SEMA5A: variants seen among roughly 807,000 people sequenced by gnomAD.
The protein encoded by SEMA5A is semaphorin 5A, also known as semaphorin-5A.
In SEMA5A, 55 loss-of-function variants were observed where a neutral mutation model predicts 135.5. The observed-to-expected ratio is 0.41, with a 90% CI of 0.33 to 0.51. SEMA5A has a LOEUF of 0.51. Ranked by LOEUF, SEMA5A falls within the 20% of genes least tolerant of loss-of-function variation. SEMA5A has a pLI of 0.37. For missense variants in SEMA5A, 1,290 were observed against 1,419.9 expected (o/e 0.91, Z 1.47); for synonymous variants, 580 against 546.5 (o/e 1.06, Z -0.85).
chr5:9,467,382 G>T (rs141133292), intron 1 of SEMA5A, among the ~76,000 whole-genome samples: 36 of 152,222 alleles, frequency 2.4e-4, no homozygotes, highest in African/African-American at 8.4e-4. Flanking sequence ...AAAGTGCTGG[G>T]ATTACAAACG....
intron 3 of SEMA5A, among the ~76,000 whole-genome samples, chr5:9,351,082 C>T (rs1226830657): frequency 6.6e-6 from 1 of 152,192 alleles, no homozygotes; most frequent in East Asian, 1.9e-4. Context: ...AAATCACTGT[C>T]TCACTTTATC....
chr5:9,237,805 G>A (rs1747990056), intron 6 of SEMA5A, 23 bp downstream of exon 6: 1 of 1,611,046 alleles, frequency 6.2e-7, no homozygotes, highest in African/African-American at 1.3e-5. Context: ...GGTGATGGCT[G>A]CTCATAATTG....
chr5:9,544,255 T>C (rs897941720), intron 1 of SEMA5A, among the ~76,000 whole-genome samples: 3 of 152,320 alleles, frequency 2.0e-5, no homozygotes, highest in East Asian at 3.9e-4. Flanking sequence ...TGACTCCTGA[T>C]GTGTTAACTA....
chr5:9,420,981 A>G (rs1757448006), intron 2 of SEMA5A, among the ~76,000 whole-genome samples: 1 of 152,210 alleles, frequency 6.6e-6, no homozygotes, highest in African/African-American at 2.4e-5. Flanking sequence ...GCGCCACTGC[A>G]CTCCAGCCTG....
intron 4 of SEMA5A, among the ~76,000 whole-genome samples, chr5:9,321,627 G>T (rs968713729): frequency 6.6e-6 from 1 of 152,188 alleles, no homozygotes; most frequent in Non-Finnish European, 1.5e-5. Flanking sequence ...CACTTGGAAT[G>T]AAGTCTGACC....
chr5:9,170,530 T>C (rs1461313873), intron 11 of SEMA5A, among the ~76,000 whole-genome samples: 1 of 152,006 alleles, frequency 6.6e-6, no homozygotes, highest in East Asian at 1.9e-4. Context: ...AACGTGGTCA[T>C]ATTTGGAGGT....
chr5:9,263,148 A>G (rs899252668), intron 5 of SEMA5A, among the ~76,000 whole-genome samples: 3 of 152,028 alleles, frequency 2.0e-5, no homozygotes, highest in Non-Finnish European at 4.4e-5. Flanking sequence ...GGTTCTGTGC[A>G]TTAAGAATTT....
intron 4 of SEMA5A, among the ~76,000 whole-genome samples, chr5:9,323,657 C>CTTTTTTTTTT (rs35243676): frequency 8.3e-5 from 9 of 108,950 alleles, no homozygotes; most frequent in South Asian, 2.9e-4. Context: ...TCTTTTTTTC[C>CTTTTTTTTTT]TTTTTTTTTT....
chr5:9,428,985 T>C (rs1757763065), intron 2 of SEMA5A, among the ~76,000 whole-genome samples: 1 of 152,346 alleles, frequency 6.6e-6, no homozygotes, highest in South Asian at 2.1e-4. Flanking sequence ...AAGGAAGGAC[T>C]ATATGTATTT....
intron 16 of SEMA5A, among the ~76,000 whole-genome samples, chr5:9,095,789 C>A (rs1240190344): frequency 6.6e-6 from 1 of 152,118 alleles, no homozygotes; most frequent in Non-Finnish European, 1.5e-5. Flanking sequence ...TCACTTCTAC[C>A]AAAGGAAGCA....
intron 21 of SEMA5A, among the ~76,000 whole-genome samples, chr5:9,046,173 T>TTCCCCAGAGTGTCTCCTCCA (rs1277445015): frequency 2.0e-5 from 3 of 152,162 alleles, no homozygotes; most frequent in African/African-American, 7.2e-5. Context: ...GACACCAGCT[T>TTCCCCAGAGTGTCTCCTCCA]TCCCCAGAGT....
At chr5:9,526,794 A>T (rs463004) in intron 1 of SEMA5A, among the ~76,000 whole-genome samples, 51,880 of 152,012 alleles carry the variant, frequency 0.34, 9,050 homozygotes, top group East Asian at 0.41. Flanking sequence ...TTTAGGTGAC[A>T]ACTCAAGAAC....
chr5:9,044,286 C>T, intron 22 of SEMA5A, 87 bp downstream of exon 22: 1 of 1,143,796 alleles, frequency 8.7e-7, no homozygotes, highest in Non-Finnish European at 1.3e-6. Flanking sequence ...CAAAGGAAAC[C>T]ACCACAGCAG....
At position 9,379,813 on chromosome 5, in the gene SEMA5A, G is replaced by A; in HGVS notation, c.124+10C>T. 6.2e-7 allele frequency: 1 copy of A among 1,613,212 alleles called. No individual in the cohort carries two copies. Among genetic ancestry groups the A allele is most frequent in the African/African-American group, 1.3e-5 (1 of 74,888 alleles). ...GACGGCTTTGCAATCAGTGCGTGCTGGTTCCTTACCTTTATAGGAGATGAC... is the reference window on the plus strand; with the variant it reads ...GACGGCTTTGCAATCAGTGCGTGCTAGTTCCTTACCTTTATAGGAGATGAC... On this transcript the variant is annotated intron_variant, in intron 3 of 22. Transcript: ENST00000382496.
intron 16 of SEMA5A, among the ~76,000 whole-genome samples, chr5:9,092,322 C>T (rs188589462): frequency 2.6e-5 from 4 of 152,326 alleles, no homozygotes; most frequent in African/African-American, 7.2e-5. Flanking sequence ...ATTTTATTTA[C>T]AGGAGGAAGC....
intron 5 of SEMA5A, among the ~76,000 whole-genome samples, chr5:9,258,035 G>A (rs922889605): frequency 2.0e-5 from 3 of 152,136 alleles, no homozygotes; most frequent in Non-Finnish European, 2.9e-5. Flanking sequence ...CTGAGATTTT[G>A]ACCTGCTGAA....
At chr5:9,267,624 G>A (rs533018418) in intron 5 of SEMA5A, among the ~76,000 whole-genome samples, 1 of 152,212 alleles carries the variant, frequency 6.6e-6, no homozygotes, top group East Asian at 1.9e-4. Context: ...TCAGATAAAA[G>A]GCATCTGATT....
At chr5:9,317,323 TCTTA>T (rs904870072) in intron 5 of SEMA5A, among the ~76,000 whole-genome samples, 14 of 152,152 alleles carry the variant, frequency 9.2e-5, no homozygotes, top group African/African-American at 3.1e-4. Flanking sequence ...CTTTTGAACG[TCTTA>T]CTTATTTTTC....
chr5:9,118,944 C>T (rs944478130), intron 15 of SEMA5A, 54 bp downstream of exon 15: 19 of 1,585,654 alleles, frequency 1.2e-5, no homozygotes, highest in Non-Finnish European at 3.4e-6. Context: ...TCGACCTGGC[C>T]GGAATGAGAG....
Sources: gnomAD v4.1 joint callset for allele counts (sites outside exome capture counted in the v4.1 genomes callset) on GRCh38, gnomAD v4.1.1 for gene constraint, MANE v1.5 for transcripts, NCBI Gene and HGNC (gene_info 2026-07-23, HGNC 2026-07-21) for gene names.